The following RGS6 variants were observed in gnomAD, a reference collection of about 807,000 sequenced individuals.
The protein encoded by RGS6 is regulator of G protein signaling 6.
In RGS6, 30 loss-of-function variants were observed where a neutral mutation model predicts 78.5. The ratio of observed to expected loss-of-function variants is 0.38; its 90% CI spans 0.29 to 0.52. The LOEUF is 0.52. Ranked by LOEUF, RGS6 falls within the 20% of genes least tolerant of loss-of-function variation. The pLI is 0.85. For missense variants in RGS6, 495 were observed against 609.7 expected (o/e 0.81, Z 1.98); for synonymous variants, 206 against 206.0 (o/e 1.00, Z 0.00).
intron 2 of RGS6, among the ~76,000 whole-genome samples, chr14:72,095,789 C>T (rs2158991): frequency 3.3e-5 from 5 of 152,096 alleles, no homozygotes; most frequent in Admixed American, 1.3e-4. Context: ...AGTGGAAAAC[C>T]GTATTTCAAT....
intron 3 of RGS6, among the ~76,000 whole-genome samples, chr14:72,397,374 G>A (rs1291463941): frequency 1.3e-5 from 2 of 151,866 alleles, no homozygotes; most frequent in Non-Finnish European, 2.9e-5. Flanking sequence ...GTATAAGAAT[G>A]CTTGTGATTT....
the RGS6 span, among the ~76,000 whole-genome samples, chr14:72,613,181 T>C: frequency 6.6e-6 from 1 of 152,114 alleles, no homozygotes; most frequent in African/African-American, 2.4e-5. Context: ...TGGGAGTCTG[T>C]AGGGTTGTGT....
At chr14:71,926,386 C>A in the RGS6 span, among the ~76,000 whole-genome samples, 1 of 152,120 alleles carries the variant, frequency 6.6e-6, no homozygotes, top group Non-Finnish European at 1.5e-5. Flanking sequence ...GGGTTTTAGA[C>A]CAGCCTGGCC....
intron 3 of RGS6, among the ~76,000 whole-genome samples, chr14:72,390,083 T>C (rs8006691): frequency 0.56 from 81,907 of 146,776 alleles, 25,627 homozygotes; most frequent in African/African-American, 0.85. Context: ...TATAAAGAGC[T>C]ATAGTTCTTT....
chr14:72,284,058 T>C (rs2062045707), intron 2 of RGS6, among the ~76,000 whole-genome samples: 1 of 152,170 alleles, frequency 6.6e-6, no homozygotes, highest in Non-Finnish European at 1.5e-5. Context: ...TTGAGGGAGA[T>C]GATTTAGGGT....
intron 2 of RGS6, among the ~76,000 whole-genome samples, chr14:72,007,815 A>G (rs2084876053): frequency 6.6e-6 from 1 of 152,144 alleles, no homozygotes; most frequent in African/African-American, 2.4e-5. Context: ...GTGTAGTGGA[A>G]TTAAGCCTAA....
intron 2 of RGS6, among the ~76,000 whole-genome samples, chr14:72,071,294 G>A (rs973544375): frequency 4.6e-5 from 7 of 152,178 alleles, no homozygotes; most frequent in Admixed American, 3.3e-4. Context: ...AGATTCCACT[G>A]TTGATGGACT....
At chr14:72,268,352 C>A (rs2059393902) in intron 2 of RGS6, among the ~76,000 whole-genome samples, 1 of 152,142 alleles carries the variant, frequency 6.6e-6, no homozygotes, top group Non-Finnish European at 1.5e-5. Flanking sequence ...TTCTTTCTTT[C>A]TTTCCTTCAT....
chr14:72,597,803 T>C, the RGS6 span, among the ~76,000 whole-genome samples: 1 of 152,136 alleles, frequency 6.6e-6, no homozygotes, highest in Non-Finnish European at 1.5e-5. Context: ...TTTTTCACTA[T>C]GTGCACCGAG....
intron 2 of RGS6, among the ~76,000 whole-genome samples, chr14:72,204,955 C>T (rs1647696159): frequency 6.6e-6 from 1 of 152,198 alleles, no homozygotes; most frequent in African/African-American, 2.4e-5. Context: ...CCATGGACTC[C>T]AGGCAGGGTT....
chr14:72,006,256 T>C (rs1042521698), intron 2 of RGS6, among the ~76,000 whole-genome samples: 7 of 152,144 alleles, frequency 4.6e-5, no homozygotes, highest in Non-Finnish European at 8.8e-5. Flanking sequence ...TTAAATCTTA[T>C]TTTAAGTAGT....
At chr14:72,355,457 A>G (rs2080076507) in intron 3 of RGS6, among the ~76,000 whole-genome samples, 1 of 152,130 alleles carries the variant, frequency 6.6e-6, no homozygotes, top group Non-Finnish European at 1.5e-5. Context: ...GGCCTCCCAA[A>G]GTACTCTGGT....
chr14:71,921,299 G>T, the RGS6 span, among the ~76,000 whole-genome samples: 2 of 150,958 alleles, frequency 1.3e-5, no homozygotes, highest in African/African-American at 4.8e-5. Context: ...TTCCCCCAAA[G>T]ATTAAAAAAA....
chr14:71,973,710 G>A (rs2093946927), intron 2 of RGS6, among the ~76,000 whole-genome samples: 1 of 152,222 alleles, frequency 6.6e-6, no homozygotes, highest in African/African-American at 2.4e-5. Flanking sequence ...AAAGTGTTCA[G>A]GGTAACTAAT....
intron 13 of RGS6, among the ~76,000 whole-genome samples, chr14:72,496,727 G>C (rs1016124449): frequency 6.6e-6 from 1 of 152,190 alleles, no homozygotes; most frequent in Non-Finnish European, 1.5e-5. Flanking sequence ...GAGACGCTAA[G>C]GGTACCATGA....
At chr14:71,958,697 C>A (rs1043775065) in intron 1 of RGS6, among the ~76,000 whole-genome samples, 1 of 152,074 alleles carries the variant, frequency 6.6e-6, no homozygotes, top group Non-Finnish European at 1.5e-5. Context: ...CATCAGGCAG[C>A]ATGGGATGGG....
At chr14:72,114,851 AGT>A (rs1195276236) in intron 2 of RGS6, among the ~76,000 whole-genome samples, 14 of 152,190 alleles carry the variant, frequency 9.2e-5, no homozygotes, top group Non-Finnish European at 1.6e-4. Context: ...CAAATGTCTG[AGT>A]GAGAAAGTGA....
chr14:71,886,420 G>A, the RGS6 span, among the ~76,000 whole-genome samples: 347 of 152,330 alleles, frequency 2.3e-3, 3 homozygotes, highest in Admixed American at 3.8e-3. Flanking sequence ...CTGACTGAAT[G>A]AATGAATATA....
chr14:72,475,838 A>ACG (rs58446373), intron 10 of RGS6, among the ~76,000 whole-genome samples: 1,736 of 151,710 alleles, frequency 0.011, 51 homozygotes, highest in East Asian at 0.091. Context: ...ACGCACACAC[A>ACG]CACACACACA....
Sources: allele counts gnomAD v4.1 joint callset (sites outside exome capture counted in the v4.1 genomes callset), GRCh38; gene constraint gnomAD v4.1.1; transcripts MANE v1.5; gene names NCBI Gene and HGNC (gene_info 2026-07-23, HGNC 2026-07-21).